The following NCOA1 variants were observed in gnomAD, a reference collection of about 807,000 sequenced individuals.
NCOA1 encodes nuclear receptor coactivator 1.
In NCOA1, 35 loss-of-function variants were observed where a neutral mutation model predicts 150.9. The ratio of observed to expected loss-of-function variants is 0.23; its 90% CI spans 0.18 to 0.31. NCOA1 has a LOEUF of 0.31. NCOA1 is among the 10% of genes least tolerant of loss of function. NCOA1 has a pLI of 1.00. For synonymous variants in NCOA1, 590 were observed against 630.0 expected (o/e 0.94, Z 0.95); for missense variants, 1,491 against 1,749.3 (o/e 0.85, Z 2.63).
chr2:24,665,710 A>T (rs1671387878), intron 5 of NCOA1, 39 bp from the exon 6 acceptor site: 1 of 1,421,386 alleles, frequency 7.0e-7, no homozygotes, highest in Non-Finnish European at 9.3e-7. Context: ...AAATATGGTG[A>T]TACAAATGTA....
At chr2:24,648,050 A>G (rs532726518) in intron 4 of NCOA1, among the ~76,000 whole-genome samples, 1 of 152,340 alleles carries the variant, frequency 6.6e-6, no homozygotes, top group African/African-American at 2.4e-5. Context: ...TTGCAGCAGA[A>G]GGAATATAGC....
intron 15 of NCOA1, among the ~76,000 whole-genome samples, chr2:24,727,698 A>G (rs1662768945): frequency 6.6e-6 from 1 of 152,206 alleles, no homozygotes; most frequent in African/African-American, 2.4e-5. Context: ...TTTATGTATC[A>G]GTTGGTATCT....
intron 17 of NCOA1, among the ~76,000 whole-genome samples, chr2:24,734,177 CAAA>C (rs933051944): frequency 4.4e-5 from 3 of 67,968 alleles, no homozygotes. Flanking sequence ...AACTCCATCT[CAAA>C]AAAAAAAAAA....
At chr2:24,542,033 C>A (rs1665420306) in intron 1 of NCOA1, among the ~76,000 whole-genome samples, 1 of 151,948 alleles carries the variant, frequency 6.6e-6, no homozygotes, top group Admixed American at 6.6e-5. Context: ...ATTGGATACT[C>A]CAGGAAATAA....
chr2:24,683,506 A>G (rs1182077374), intron 8 of NCOA1, among the ~76,000 whole-genome samples: 1 of 152,176 alleles, frequency 6.6e-6, no homozygotes, highest in Non-Finnish European at 1.5e-5. Flanking sequence ...ATATCTACTA[A>G]AATTAATGTT....
chr2:24,732,276 A>G (rs1022526047), intron 17 of NCOA1, among the ~76,000 whole-genome samples: 1 of 151,918 alleles, frequency 6.6e-6, no homozygotes, highest in Non-Finnish European at 1.5e-5. Context: ...ATGCCTATCC[A>G]GAGATGGCAT....
chr2:24,679,716 A>C (rs1222846895), intron 7 of NCOA1, among the ~76,000 whole-genome samples: 1 of 152,186 alleles, frequency 6.6e-6, no homozygotes, highest in Non-Finnish European at 1.5e-5. Flanking sequence ...AACCCAATTT[A>C]GATATGAGTG....
intron 14 of NCOA1, among the ~76,000 whole-genome samples, chr2:24,715,139 CA>C (rs1673955144): frequency 6.6e-6 from 1 of 151,968 alleles, no homozygotes; most frequent in Admixed American, 6.5e-5. Context: ...AATTTGTCAC[CA>C]GCAGATTACA....
In NCOA1 at chr2:24,707,047, GTAA is replaced by G. The variant is rs1673483032; in HGVS notation, c.1587_1589del (p.Asn530del). On this transcript the variant is annotated inframe_deletion, in exon 13 of 23. Transcript: ENST00000348332. Reference sequence around the variant, plus strand: ...CCCGTTGGCATGACAAGTAGTGCCTGTAATAATAATAACCGATCTTATTCAAAC... The same window carrying G: ...CCCGTTGGCATGACAAGTAGTGCCTGTAATAATAACCGATCTTATTCAAAC... The G allele has an allele frequency of 1.2e-6, 2 of 1,614,038 alleles. No individual in the cohort carries two copies. Among genetic ancestry groups the G allele is most frequent in the African/African-American group, 1.3e-5 (1 of 74,916 alleles).
intron 1 of NCOA1, among the ~76,000 whole-genome samples, chr2:24,495,232 G>A (rs17046330): frequency 0.049 from 7,368 of 151,548 alleles, 211 homozygotes; most frequent in East Asian, 0.11. Context: ...ATTATAAAAC[G>A]CTGATACCAA....
intron 5 of NCOA1, among the ~76,000 whole-genome samples, chr2:24,661,847 ATCT>A (rs964893696): frequency 1.3e-5 from 2 of 152,126 alleles, no homozygotes; most frequent in Non-Finnish European, 2.9e-5. Context: ...ATTGTGCTGA[ATCT>A]TCTTATGTGT....
chr2:24,530,952 C>G (rs1268952638), intron 1 of NCOA1, among the ~76,000 whole-genome samples: 1 of 152,170 alleles, frequency 6.6e-6, no homozygotes, highest in Non-Finnish European at 1.5e-5. Flanking sequence ...ATAAAAAATG[C>G]TCTTATAGCA....
intron 22 of NCOA1, among the ~76,000 whole-genome samples, chr2:24,766,869 GAGAA>G (rs2148708524): frequency 6.6e-6 from 1 of 152,266 alleles, no homozygotes; most frequent in East Asian, 1.9e-4. Context: ...ATAGACACAA[GAGAA>G]AGAGCCCAGA....
At chr2:24,716,503 A>G (rs928630251) in intron 14 of NCOA1, among the ~76,000 whole-genome samples, 44 of 152,212 alleles carry the variant, frequency 2.9e-4, no homozygotes, top group African/African-American at 8.9e-4. Context: ...CTATGTAGAA[A>G]AAAATGAACC....
At chr2:24,515,884 A>G (rs1664139917) in intron 1 of NCOA1, among the ~76,000 whole-genome samples, 1 of 152,244 alleles carries the variant, frequency 6.6e-6, no homozygotes. Flanking sequence ...TCTATAATTT[A>G]TAGAACCAGG....
rs1333540766 is a variant in NCOA1 at position 24,658,655 on chromosome 2, G to T, written c.-17-6G>T. 6.2e-7 allele frequency: 1 copy of T among 1,606,134 alleles called. No individual in the cohort carries two copies. The highest frequency in any genetic ancestry group is 1.7e-5 in the Admixed American group (1 of 59,986). On this transcript the variant is annotated splice_polypyrimidine_tract_variant and splice_region_variant and intron_variant, in intron 4 of 22. Coordinates refer to ENST00000348332, the MANE Select transcript of NCOA1 (RefSeq NM_003743.5). ...TAGATTTCTTACTGTTGTCCTTCCT[G>T]TTTAGGTGTGAAGTTTTTCAACATG...
In NCOA1 at chr2:24,614,199, CTTTTTTTTTTTTTTTT is replaced by C. The variant is rs869113477; in HGVS notation, c.-175+29656_-175+29671del. Among the ~76,000 whole-genome samples, 25 of 9,174 alleles carry C rather than the reference CTTTTTTTTTTTTTTTT, an allele frequency of 2.7e-3. 1 individual carries two copies. The South Asian group carries it at 0.047, about 17-fold the overall frequency. 6.0% of individuals were successfully genotyped at this position (9,174 alleles called of 152,430 possible). A position where few individuals can be genotyped will look rare whatever the true frequency, so the allele number is the denominator to read the frequency against. The stretch of plus-strand genomic sequence containing the variant: ...CCTATTGTATCGATTCATTTCCATT[CTTTTTTTTTTTTTTTT>C]TTTTTTTTTTTTTTTTGCTATGGGG... On this transcript the variant is annotated intron_variant, in intron 3 of 22. Coordinates refer to ENST00000348332, the MANE Select transcript of NCOA1 (RefSeq NM_003743.5).
chr2:24,593,661 A>G (rs1667751920), intron 3 of NCOA1, among the ~76,000 whole-genome samples: 1 of 152,118 alleles, frequency 6.6e-6, no homozygotes, highest in Non-Finnish European at 1.5e-5. Flanking sequence ...CAACATCCTT[A>G]TTTTACAGGT....
intron 19 of NCOA1, among the ~76,000 whole-genome samples, chr2:24,744,821 T>A (rs1056982438): frequency 2.6e-5 from 4 of 152,224 alleles, no homozygotes; most frequent in Non-Finnish European, 5.9e-5. Flanking sequence ...CTATGGCTGG[T>A]TTCATATAGA....
Sources: gnomAD v4.1 joint callset for allele counts (sites outside exome capture counted in the v4.1 genomes callset) on GRCh38, gnomAD v4.1.1 for gene constraint, MANE v1.5 for transcripts, NCBI Gene and HGNC (gene_info 2026-07-23, HGNC 2026-07-21) for gene names.